Variants in EPB41L4A observed in about 807,000 individuals in gnomAD.
EPB41L4A encodes the protein band 4.1-like protein 4A.
Under a neutral mutation model 108.6 loss-of-function variants are expected in EPB41L4A, and 100 were observed. The observed-to-expected ratio is 0.92, with a 90% CI of 0.78 to 1.09. The LOEUF is 1.09. EPB41L4A is among the 50% of genes least tolerant of loss of function. The pLI is 0.00. For missense variants in EPB41L4A, 1,030 were observed against 842.7 expected, an observed-to-expected ratio of 1.22 and a Z score of -2.75; for synonymous variants, 319 against 289.0, an observed-to-expected ratio of 1.10 and a Z score of -1.05.
intron 1 of EPB41L4A, among the ~76,000 whole-genome samples, chr5:112,353,255 A>G (rs148432813): frequency 6.6e-6 from 1 of 151,900 alleles, no homozygotes; most frequent in East Asian, 1.9e-4. Context: ...CAAGCAGTGA[A>G]CCAAGCATGT....
At chr5:112,153,543 A>T (rs1418993429) in intron 12 of EPB41L4A, among the ~76,000 whole-genome samples, 1 of 150,300 alleles carries the variant, frequency 6.7e-6, no homozygotes, top group African/African-American at 2.4e-5. Flanking sequence ...AAAAAACAAA[A>T]GAAAAGAAAA....
intron 18 of EPB41L4A, among the ~76,000 whole-genome samples, chr5:112,178,721 G>A (rs1277815153): frequency 6.6e-6 from 1 of 151,822 alleles, no homozygotes; most frequent in Non-Finnish European, 1.5e-5. Context: ...ATTTTGAACT[G>A]TATGATAACA....
At chr5:112,345,590 GA>G (rs1313052018) in intron 1 of EPB41L4A, among the ~76,000 whole-genome samples, 1 of 151,984 alleles carries the variant, frequency 6.6e-6, no homozygotes, top group Non-Finnish European at 1.5e-5. Context: ...TTTATACAAT[GA>G]AATGTACAAA....
intron 12 of EPB41L4A, among the ~76,000 whole-genome samples, chr5:112,214,801 C>T (rs1412264202): frequency 2.0e-5 from 3 of 151,958 alleles, no homozygotes; most frequent in Admixed American, 6.6e-5. Flanking sequence ...ACACAGAGGG[C>T]AATTTTCCTG....
intron 17 of EPB41L4A, among the ~76,000 whole-genome samples, chr5:112,189,060 A>AT (rs1761561154): frequency 6.6e-6 from 1 of 152,238 alleles, no homozygotes; most frequent in Admixed American, 6.5e-5. Flanking sequence ...TACTATTTAG[A>AT]TACTGTAGAC....
chr5:112,359,802 A>G (rs1758603011), intron 1 of EPB41L4A, among the ~76,000 whole-genome samples: 1 of 152,188 alleles, frequency 6.6e-6, no homozygotes, highest in Non-Finnish European at 1.5e-5. Context: ...GGCCTCCCAA[A>G]GTGCTGGGAT....
At chr5:112,341,541 A>G (rs960307279) in intron 1 of EPB41L4A, among the ~76,000 whole-genome samples, 1 of 152,246 alleles carries the variant, frequency 6.6e-6, no homozygotes, top group Non-Finnish European at 1.5e-5. Flanking sequence ...CTCACAAATC[A>G]GCAAGGCAGA....
At chr5:112,142,010 G>A (rs760049697), downstream of EPB41L4A, among the ~76,000 whole-genome samples, 1 of 152,164 alleles carries the variant, frequency 6.6e-6, no homozygotes, top group Admixed American at 6.6e-5. Flanking sequence ...GATTTGAGCC[G>A]AATTATTTTT....
chr5:112,176,241 A>G (rs1208191163), intron 18 of EPB41L4A, among the ~76,000 whole-genome samples: 2 of 152,210 alleles, frequency 1.3e-5, no homozygotes, highest in Admixed American at 1.3e-4. Flanking sequence ...GAAGATCCAG[A>G]ATGCAAACAA....
chr5:112,211,685 AG>A (rs1762753227), intron 12 of EPB41L4A, among the ~76,000 whole-genome samples: 1 of 152,124 alleles, frequency 6.6e-6, no homozygotes, highest in Non-Finnish European at 1.5e-5. Context: ...GAAACACCTG[AG>A]CACCCTCAAA....
intron 12 of EPB41L4A, among the ~76,000 whole-genome samples, chr5:112,225,708 TA>T (rs1748399393): frequency 2.0e-5 from 3 of 152,206 alleles, no homozygotes; most frequent in Admixed American, 2.0e-4. Flanking sequence ...TATATAATGG[TA>T]ACACATTAAA....
At chr5:112,386,392 A>G (rs1760529700) in intron 1 of EPB41L4A, among the ~76,000 whole-genome samples, 1 of 152,198 alleles carries the variant, frequency 6.6e-6, no homozygotes, top group African/African-American at 2.4e-5. Context: ...AATAATGTTG[A>G]TTTCCATATA....
chr5:112,364,008 CT>C (rs1181295136), intron 1 of EPB41L4A, among the ~76,000 whole-genome samples: 1 of 149,138 alleles, frequency 6.7e-6, no homozygotes, highest in Non-Finnish European at 1.5e-5. Context: ...CCAATATTTG[CT>C]TTCATTCATT....
At chr5:112,289,448 A>T (rs1485652644) in intron 2 of EPB41L4A, among the ~76,000 whole-genome samples, 3 of 152,152 alleles carry the variant, frequency 2.0e-5, no homozygotes, top group Admixed American at 1.3e-4. Flanking sequence ...TTTGAGTGGC[A>T]GGGGGTTTGG....
chr5:112,217,558 AGGCAT>A (rs1312008963), intron 12 of EPB41L4A, among the ~76,000 whole-genome samples: 1 of 152,250 alleles, frequency 6.6e-6, no homozygotes, highest in East Asian at 1.9e-4. Context: ...TTAATTAGCC[AGGCAT>A]GGTGGCCCAT....
chr5:112,324,301 T>C (rs821745), intron 1 of EPB41L4A, among the ~76,000 whole-genome samples: 139,268 of 152,230 alleles, frequency 0.91, 63,831 homozygotes, highest in South Asian at 0.96. Flanking sequence ...ATTACAGCTG[T>C]TCTGAAAGTT....
chr5:112,223,854 T>C (rs371483387), intron 12 of EPB41L4A, among the ~76,000 whole-genome samples: 1 of 151,320 alleles, frequency 6.6e-6, no homozygotes, highest in Non-Finnish European at 1.5e-5. Context: ...CTCATATTCA[T>C]CTCGTCAGTT....
At chr5:112,269,856 A>G (rs1024302450) in intron 4 of EPB41L4A, among the ~76,000 whole-genome samples, 5 of 152,168 alleles carry the variant, frequency 3.3e-5, no homozygotes, top group African/African-American at 1.2e-4. Flanking sequence ...TAAACTAACA[A>G]ACCGATGTAT....
intron 22 of EPB41L4A, among the ~76,000 whole-genome samples, chr5:112,165,807 AT>A (rs1760209318): frequency 6.6e-6 from 1 of 152,184 alleles, no homozygotes; most frequent in African/African-American, 2.4e-5. Context: ...GTCCCAATCT[AT>A]TTTGAGATTT....
Sources: allele counts gnomAD v4.1 joint callset (sites outside exome capture counted in the v4.1 genomes callset), GRCh38; gene constraint gnomAD v4.1.1; transcripts MANE v1.5; gene names NCBI Gene and HGNC (gene_info 2026-07-23, HGNC 2026-07-21).